Variants in IL1RAPL1 observed in about 807,000 individuals in gnomAD.
IL1RAPL1 encodes the protein interleukin 1 receptor accessory protein like 1.
In IL1RAPL1, 3 loss-of-function variants were observed where a neutral mutation model predicts 48.4. The observed-to-expected ratio is 0.06, with a 90% CI of 0.03 to 0.16. The LOEUF (loss-of-function observed/expected upper bound fraction) is 0.16. Ranked by LOEUF, IL1RAPL1 falls within the 10% of genes least tolerant of loss-of-function variation. The pLI, the probability that IL1RAPL1 is intolerant of heterozygous loss-of-function variation, is 1.00. For missense variants in IL1RAPL1, 349 were observed against 530.6 expected, an observed-to-expected ratio of 0.66 and a Z score of 3.36; for synonymous variants, 185 against 187.7, an observed-to-expected ratio of 0.99 and a Z score of 0.12.
chrX:29,389,052 T>C (rs1363301074), intron 3 of IL1RAPL1, among the ~76,000 whole-genome samples: 1 of 111,458 alleles, frequency 9.0e-6, no homozygotes, highest in African/African-American at 3.3e-5. Context: ...GGATAAATAC[T>C]GTAATTAAAA....
intron 5 of IL1RAPL1, among the ~76,000 whole-genome samples, chrX:29,567,190 T>C (rs1001005999): frequency 9.2e-6 from 1 of 108,762 alleles, no homozygotes; most frequent in South Asian, 3.9e-4. Flanking sequence ...TCTTATTAGA[T>C]ACCAGAAAGA....
chrX:28,879,719 A>G (rs1922459624), intron 2 of IL1RAPL1, among the ~76,000 whole-genome samples: 1 of 112,037 alleles, frequency 8.9e-6, no homozygotes. Context: ...AGTTTCAGTC[A>G]TTTTAGTGAG....
intron 1 of IL1RAPL1, among the ~76,000 whole-genome samples, chrX:28,622,169 T>G (rs755930524): frequency 8.9e-6 from 1 of 112,131 alleles, no homozygotes; most frequent in South Asian, 3.7e-4. Context: ...TTGAATATTC[T>G]TCTCTCAATA....
At chrX:29,477,193 T>C (rs995771520) in intron 5 of IL1RAPL1, among the ~76,000 whole-genome samples, 8 of 111,329 alleles carry the variant, frequency 7.2e-5, no homozygotes, top group African/African-American at 2.6e-4. Context: ...GATTTGAAAA[T>C]GGAAAAAATA....
intron 5 of IL1RAPL1, among the ~76,000 whole-genome samples, chrX:29,499,254 A>G (rs370808832): frequency 2.7e-5 from 3 of 112,217 alleles, no homozygotes; most frequent in Admixed American, 9.4e-5. Context: ...AGAAATGGAT[A>G]TTTATATAAA....
intron 2 of IL1RAPL1, among the ~76,000 whole-genome samples, chrX:28,959,752 C>T (rs1004509073): frequency 8.9e-6 from 1 of 111,958 alleles, no homozygotes; most frequent in African/African-American, 3.2e-5. Context: ...ACATTATTCA[C>T]TTTTACTGTA....
chrX:29,626,010 C>T (rs888562787), intron 5 of IL1RAPL1, among the ~76,000 whole-genome samples: 2 of 111,653 alleles, frequency 1.8e-5, no homozygotes, highest in African/African-American at 6.5e-5. Flanking sequence ...ATTATAGATT[C>T]GACATTGTCA....
chrX:29,800,575 C>A (rs1443047111), intron 6 of IL1RAPL1, among the ~76,000 whole-genome samples: 5 of 110,241 alleles, frequency 4.5e-5, no homozygotes, highest in African/African-American at 1.6e-4. Flanking sequence ...ATGATAAAAT[C>A]TCTCCTGCCA....
intron 1 of IL1RAPL1, among the ~76,000 whole-genome samples, chrX:28,629,008 GC>G (rs760339468): frequency 4.2e-4 from 47 of 111,689 alleles, no homozygotes; most frequent in Non-Finnish European, 8.5e-4. Flanking sequence ...AAGAAGACCA[GC>G]AAAATAAATG....
intron 6 of IL1RAPL1, among the ~76,000 whole-genome samples, chrX:29,916,210 A>G (rs1421370414): frequency 1.9e-5 from 2 of 105,720 alleles, no homozygotes; most frequent in African/African-American, 6.9e-5. Context: ...CAATAAACAT[A>G]CGTGTGCATG....
At chrX:28,716,228 C>T (rs777367830) in intron 1 of IL1RAPL1, among the ~76,000 whole-genome samples, 2 of 111,996 alleles carry the variant, frequency 1.8e-5, no homozygotes, top group Non-Finnish European at 3.8e-5. Flanking sequence ...CAGCCAACAT[C>T]GTACTGAATG....
intron 3 of IL1RAPL1, among the ~76,000 whole-genome samples, chrX:29,313,936 A>G (rs898975949): frequency 5.0e-4 from 56 of 112,553 alleles, no homozygotes; most frequent in Non-Finnish European, 7.3e-4. Context: ...TGTAAATATT[A>G]AAAACACAGG....
chrX:28,802,548 C>T (rs999144039), intron 2 of IL1RAPL1, among the ~76,000 whole-genome samples: 6 of 112,211 alleles, frequency 5.3e-5, no homozygotes, highest in African/African-American at 1.6e-4. Context: ...ATTAGTTTTG[C>T]TACCTTGAGC....
intron 2 of IL1RAPL1, among the ~76,000 whole-genome samples, chrX:29,179,950 T>A (rs1014116638): frequency 7.2e-5 from 8 of 110,840 alleles, no homozygotes; most frequent in Admixed American, 2.9e-4. Flanking sequence ...GTTTTCCAGG[T>A]GTGGGTTTGT....
intron 2 of IL1RAPL1, among the ~76,000 whole-genome samples, chrX:29,200,804 A>C (rs1930540321): frequency 1.8e-5 from 2 of 111,733 alleles, no homozygotes; most frequent in Non-Finnish European, 3.8e-5. Context: ...GTATTACTAC[A>C]CGGGATTTTT....
At chrX:29,244,108 T>C (rs960679771) in intron 2 of IL1RAPL1, among the ~76,000 whole-genome samples, 1 of 112,012 alleles carries the variant, frequency 8.9e-6, no homozygotes, top group Admixed American at 9.5e-5. Context: ...TGCAGACTTG[T>C]CAAGACAAAT....
intron 5 of IL1RAPL1, among the ~76,000 whole-genome samples, chrX:29,644,401 CT>C (rs1179182115): frequency 8.9e-6 from 1 of 111,989 alleles, no homozygotes; most frequent in African/African-American, 3.2e-5. Flanking sequence ...GATACATTGT[CT>C]TCTGCACCTA....
chrX:29,399,121 T>C, intron 4 of IL1RAPL1, 34 bp from the exon 5 acceptor site: 2 of 1,114,223 alleles, frequency 1.8e-6, no homozygotes, highest in Non-Finnish European at 2.5e-6. Flanking sequence ...TCCATTACTA[T>C]ATGTACTACC....
At chrX:29,897,257 CTCTACTACTTCCACCATTCTTAA>C (rs1302766566) in intron 6 of IL1RAPL1, among the ~76,000 whole-genome samples, 1 of 112,306 alleles carries the variant, frequency 8.9e-6, no homozygotes, top group Non-Finnish European at 1.9e-5. Flanking sequence ...CAATTTGCCT[CTCTACTACTTCCACCATTCTTAA>C]TAATAAAAAG....
Sources: gnomAD v4.1 joint callset for allele counts (sites outside exome capture counted in the v4.1 genomes callset) on GRCh38, gnomAD v4.1.1 for gene constraint, MANE v1.5 for transcripts, NCBI Gene and HGNC (gene_info 2026-07-23, HGNC 2026-07-21) for gene names.